TMEM41B: variants seen among roughly 807,000 people sequenced by gnomAD.
TMEM41B encodes transmembrane protein 41B, also known as protein stasimon.
Under a neutral mutation model 31.9 loss-of-function variants are expected in TMEM41B, and 18 were observed. The ratio of observed to expected loss-of-function variants is 0.56; its 90% confidence interval spans 0.39 to 0.84. The LOEUF (loss-of-function observed/expected upper bound fraction) is 0.84. TMEM41B is among the 40% of genes least tolerant of loss of function. TMEM41B has a pLI of 0.00. For synonymous variants in TMEM41B, 144 were observed against 124.3 expected (o/e 1.16, Z -1.05); for missense variants, 322 against 348.0 (o/e 0.93, Z 0.59).
At chr11:9,306,597 A>T (rs1383702783) in intron 1 of TMEM41B, among the ~76,000 whole-genome samples, 6 of 152,012 alleles carry the variant, frequency 3.9e-5, no homozygotes, top group African/African-American at 1.4e-4. Flanking sequence ...GAGGCAGGAA[A>T]TCGGCATTAA....
rs150987923 is a variant in TMEM41B, at chr11:9,283,605, T to C, written c.707-12A>G. On this transcript the variant is annotated splice_polypyrimidine_tract_variant and intron_variant, in intron 6 of 6. Coordinates refer to ENST00000528080, the MANE Select transcript of TMEM41B (RefSeq NM_015012.4). ...AGGAGGTGCGACACCTGAAATAAAA[T>C]ATAAAAAGATACAGTAAAAACCACC... 3.7e-4 allele frequency: 595 copies of C among 1,593,176 alleles called. 4 individuals carry two copies. The African/African-American group carries it at 7.6e-3, about 20-fold the overall frequency.
At chr11:9,294,521 A>G (rs540014550) in intron 3 of TMEM41B, among the ~76,000 whole-genome samples, 1 of 151,978 alleles carries the variant, frequency 6.6e-6, no homozygotes, top group Non-Finnish European at 1.5e-5. Context: ...TTTAAAAAGG[A>G]TGATTACTTT....
intron 1 of TMEM41B, among the ~76,000 whole-genome samples, chr11:9,307,604 G>C (rs775390849): frequency 1.4e-5 from 2 of 147,606 alleles, no homozygotes; most frequent in Non-Finnish European, 3.0e-5. Context: ...CACCACGTCC[G>C]GCTAATTTTG....
In TMEM41B at chr11:9,298,892, T is replaced by A. The variant is rs181584184; in HGVS notation, c.239+692A>T. Among the ~76,000 whole-genome samples, 3 of 152,260 alleles carry A rather than the reference T, an allele frequency of 2.0e-5. No homozygotes were observed. The East Asian group carries it at 5.8e-4, about 29-fold the overall frequency. ...ACATCAGGCTGGCCCTGGTTGAAAG[T>A]CTAACTACATCTTAGTAGTCCTTCA... On this transcript the variant is annotated intron_variant, in intron 2 of 6. Coordinates refer to ENST00000528080, the MANE Select transcript of TMEM41B (RefSeq NM_015012.4).
At position 9,314,518 on chromosome 11, in the gene TMEM41B, C is replaced by A. The variant is rs933159680; in HGVS notation, c.-77G>T. 2.0e-6 allele frequency: 3 copies of A among 1,471,414 alleles called. No homozygotes were observed. The African/African-American group carries it at 4.3e-5, about 21-fold the overall frequency. The allele number at this position is 1,471,414 out of a possible 1,614,324, so 91.1% of individuals were successfully genotyped here. Reference sequence around the variant, plus strand: ...AAACTCTGTTGCAGGCTCCTTACTACGCCGAAGCGCCACGGCTAGAGCCAC... The same window carrying A: ...AAACTCTGTTGCAGGCTCCTTACTAAGCCGAAGCGCCACGGCTAGAGCCAC... On this transcript the variant is annotated 5_prime_UTR_variant, in exon 1 of 7. Transcript: ENST00000528080.
chr11:9,313,983 T>G (rs902482981), intron 1 of TMEM41B, among the ~76,000 whole-genome samples: 1 of 152,142 alleles, frequency 6.6e-6, no homozygotes, highest in Admixed American at 6.6e-5. Flanking sequence ...TCTTCATCTG[T>G]AAAAACAACG....
At chr11:9,312,471 A>C (rs560564848) in intron 1 of TMEM41B, among the ~76,000 whole-genome samples, 1 of 152,346 alleles carries the variant, frequency 6.6e-6, no homozygotes, top group East Asian at 1.9e-4. Flanking sequence ...ACTGCACTCC[A>C]GCATAGGTGA....
At chr11:9,286,632 C>A in intron 5 of TMEM41B, 39 bp from the exon 6 acceptor site, 1 of 1,561,396 alleles carries the variant, frequency 6.4e-7, no homozygotes. Flanking sequence ...CAGATGAGGA[C>A]AACTTCAAAA....
intron 1 of TMEM41B, among the ~76,000 whole-genome samples, chr11:9,307,066 G>A (rs900265105): frequency 6.6e-6 from 1 of 151,800 alleles, no homozygotes; most frequent in Admixed American, 6.6e-5. Context: ...CTTCCAATAT[G>A]CATAAATCCA....
At chr11:9,298,745 G>A (rs972620132) in intron 2 of TMEM41B, among the ~76,000 whole-genome samples, 2 of 150,754 alleles carry the variant, frequency 1.3e-5, no homozygotes, top group African/African-American at 4.9e-5. Context: ...ACTCCAGCCT[G>A]GGCGATAGAG....
chr11:9,294,675 T>C (rs1348563279), intron 3 of TMEM41B, among the ~76,000 whole-genome samples: 2 of 152,046 alleles, frequency 1.3e-5, no homozygotes, highest in Non-Finnish European at 1.5e-5. Flanking sequence ...GCTAAGCAGT[T>C]TGAAATAAAG....
chr11:9,308,516 C>A (rs1239782193), intron 1 of TMEM41B, among the ~76,000 whole-genome samples: 1 of 152,174 alleles, frequency 6.6e-6, no homozygotes, highest in Non-Finnish European at 1.5e-5. Context: ...GAAGTATCAT[C>A]TGAACTAGCA....
At chr11:9,295,868 A>C (rs1468494780) in intron 2 of TMEM41B, among the ~76,000 whole-genome samples, 4 of 140,000 alleles carry the variant, frequency 2.9e-5, no homozygotes, top group African/African-American at 1.1e-4. Context: ...TATTTTTATT[A>C]TTTTTTTTGA....
At position 9,295,336 on chromosome 11, in the gene TMEM41B, A is replaced by G. The variant is rs1225748454; in HGVS notation, c.291T>C (p.Ala97=). The part of the protein sequence containing the change: ...KVPRDMDDAK[A]LGKVLSKYKD... Reference sequence around the variant, plus strand: ...TGTATTTGGATAAAACTTTTCCTAGAGCCTTGGCATCATCCATATCTCTGG... The same window carrying G: ...TGTATTTGGATAAAACTTTTCCTAGGGCCTTGGCATCATCCATATCTCTGG... Residue 97 remains alanine, a synonymous_variant, in exon 3 of 7, where the codon GCT becomes GCC. Coordinates refer to ENST00000528080, the MANE Select transcript of TMEM41B (RefSeq NM_015012.4). 6.2e-7 allele frequency: 1 copy of G among 1,600,850 alleles called. No homozygotes were observed. Among genetic ancestry groups the G allele is most frequent in the Non-Finnish European group, 8.5e-7 (1 of 1,172,594 alleles).
At chr11:9,285,085 T>C (rs891549450) in intron 6 of TMEM41B, among the ~76,000 whole-genome samples, 2 of 131,320 alleles carry the variant, frequency 1.5e-5, no homozygotes, top group African/African-American at 2.8e-5. Context: ...TCTTTCCTTC[T>C]TTCTTTTTTT....
chr11:9,297,241 C>T (rs1417621979), intron 2 of TMEM41B, among the ~76,000 whole-genome samples: 6 of 152,298 alleles, frequency 3.9e-5, no homozygotes, highest in South Asian at 4.1e-4. Flanking sequence ...CCCGCCACCA[C>T]GCCCAGCTAA....
chr11:9,312,210 C>G (rs953644451), intron 1 of TMEM41B, among the ~76,000 whole-genome samples: 1 of 152,222 alleles, frequency 6.6e-6, no homozygotes, highest in African/African-American at 2.4e-5. Flanking sequence ...CTTCCCTTCT[C>G]TTTACTTATC....
chr11:9,289,315 A>G (rs1208564625), intron 3 of TMEM41B, among the ~76,000 whole-genome samples: 1 of 85,260 alleles, frequency 1.2e-5, no homozygotes, highest in East Asian at 3.8e-4. Context: ...TTGTTTTTAA[A>G]ATAGATTTTT....
At chr11:9,289,202 G>A (rs999079567) in intron 3 of TMEM41B, among the ~76,000 whole-genome samples, 3 of 152,118 alleles carry the variant, frequency 2.0e-5, no homozygotes, top group African/African-American at 7.2e-5. Context: ...TGGCTGAGTT[G>A]CCCAGGCTAG....
Sources: allele counts gnomAD v4.1 joint callset (sites outside exome capture counted in the v4.1 genomes callset), GRCh38; gene constraint gnomAD v4.1.1; transcripts MANE v1.5; gene names NCBI Gene and HGNC (gene_info 2026-07-23, HGNC 2026-07-21).